Variants in JMY observed in about 807,000 individuals in gnomAD.
JMY encodes the protein junction mediating and regulatory protein, p53 cofactor, also known as junction-mediating and -regulatory protein.
In JMY, 46 loss-of-function variants were observed where a neutral mutation model predicts 103.3. The observed-to-expected ratio is 0.45, with a 90% confidence interval of 0.35 to 0.57. JMY has a LOEUF of 0.57. JMY is among the 20% of genes least tolerant of loss of function. The pLI is 0.00. For synonymous variants in JMY, 526 were observed against 489.3 expected (o/e 1.07, Z -0.99); for missense variants, 1,238 against 1,255.2 (o/e 0.99, Z 0.21).
At chr5:79,255,946 G>A (rs1410986917) in intron 1 of JMY, among the ~76,000 whole-genome samples, 3 of 152,204 alleles carry the variant, frequency 2.0e-5, no homozygotes, top group Non-Finnish European at 2.9e-5. Context: ...TACCGCCTAC[G>A]TTCATTCAAG....
intron 1 of JMY, among the ~76,000 whole-genome samples, chr5:79,238,289 C>G (rs1297123462): frequency 6.6e-6 from 1 of 151,854 alleles, no homozygotes; most frequent in Non-Finnish European, 1.5e-5. Flanking sequence ...ACAGATGGCT[C>G]AGGTTTCACT....
intron 2 of JMY, among the ~76,000 whole-genome samples, chr5:79,278,478 G>A (rs79601427): frequency 0.033 from 4,903 of 150,702 alleles, 265 homozygotes; most frequent in African/African-American, 0.11. Flanking sequence ...CAGGCTGAGC[G>A]TGGTGCCTCA....
intron 1 of JMY, among the ~76,000 whole-genome samples, chr5:79,260,233 G>A (rs902344708): frequency 6.6e-5 from 10 of 152,198 alleles, no homozygotes; most frequent in Admixed American, 2.0e-4. Flanking sequence ...AGGCTGTGGC[G>A]GAGACTCCAG....
rs1225203037 is a variant in JMY at position 79,300,716 on chromosome 5, C to T, written c.1734C>T (p.Ser578=). ...TGGTATACTATGACACTTACGAAAGCATGGAGGCCATGCTGGAGAAGGAAG... is the reference window on the plus strand; with the variant it reads ...TGGTATACTATGACACTTACGAAAGTATGGAGGCCATGCTGGAGAAGGAAG... ...DEVVYYDTYE[S]MEAMLEKEEM... The change falls in exon 6 of 11, where the codon AGC becomes AGT. Residue 578 remains serine, a synonymous_variant. Transcript: ENST00000396137. 2 of 1,609,838 alleles carry T rather than the reference C, an allele frequency of 1.2e-6. No homozygotes were observed. The highest frequency in any genetic ancestry group is 1.1e-5 in the South Asian group (1 of 90,038).
chr5:79,261,769 C>T (rs186071024), intron 1 of JMY, among the ~76,000 whole-genome samples: 1 of 152,120 alleles, frequency 6.6e-6, no homozygotes, highest in East Asian at 1.9e-4. Flanking sequence ...GGATTACAGG[C>T]GTGCACTACC....
intron 2 of JMY, among the ~76,000 whole-genome samples, chr5:79,283,783 CTT>C (rs1333106690): frequency 6.6e-6 from 1 of 152,196 alleles, no homozygotes; most frequent in Non-Finnish European, 1.5e-5. Flanking sequence ...ATGATACACA[CTT>C]AAGTTTGAGA....
chr5:79,299,357 C>T (rs965239284), intron 4 of JMY, among the ~76,000 whole-genome samples: 3 of 152,090 alleles, frequency 2.0e-5, no homozygotes, highest in East Asian at 3.8e-4. Flanking sequence ...TGCCTTTTTC[C>T]GTACAGCCAA....
At position 79,314,846 on chromosome 5, in the gene JMY, G is replaced by A; in HGVS notation, c.2654G>A (p.Arg885Lys). ...AAGACTGCTGAAGGTTTGCAGAGGA[G>A]GAGAGGTACGTCAACATATTTTCAT... ...LRKTAEGLQR[R>K]RVSSPMDEVL... Residue 885 changes from arginine (R) to lysine (K), a missense_variant, in exon 9 of 11, where the codon AGG becomes AAG. Arg to Lys is a conservative substitution (Grantham distance 26, BLOSUM62 2). Transcript: ENST00000396137. 2 of 1,558,272 alleles carry A rather than the reference G, an allele frequency of 1.3e-6. No individual in the cohort carries two copies. Among genetic ancestry groups the A allele is most frequent in the South Asian group, 2.5e-5 (2 of 81,126 alleles).
chr5:79,252,234 G>T (rs2112053954), intron 1 of JMY, among the ~76,000 whole-genome samples: 1 of 151,744 alleles, frequency 6.6e-6, no homozygotes, highest in Admixed American at 6.6e-5. Context: ...TCATTCAGGA[G>T]CATATTGTTT....
At chr5:79,261,231 T>G (rs1189434709) in intron 1 of JMY, among the ~76,000 whole-genome samples, 1 of 152,126 alleles carries the variant, frequency 6.6e-6, no homozygotes, top group African/African-American at 2.4e-5. Flanking sequence ...CCCTGAGGTT[T>G]TTCTGCTAAA....
Position 79,316,333 on chromosome 5 carries a change from G to A in JMY, c.*3+23G>A, listed in dbSNP as rs376386109. The A allele has an allele frequency of 6.9e-5, 106 of 1,526,178 alleles. 2 individuals carry two copies. Among genetic ancestry groups the A allele is most frequent in the East Asian group, 2.3e-4 (10 of 42,596 alleles). 94.5% of individuals were successfully genotyped at this position (1,526,178 alleles called of 1,614,324 possible). ...CAAGTAAACGGCCTTATTGTCTTTAGTAGCATTCAGTAATACAGGTTTTAT... is the reference window on the plus strand; with the variant it reads ...CAAGTAAACGGCCTTATTGTCTTTAATAGCATTCAGTAATACAGGTTTTAT... On this transcript the variant is annotated intron_variant, in intron 10 of 10. Coordinates refer to ENST00000396137, the MANE Select transcript of JMY (RefSeq NM_152405.5).
chr5:79,299,291 C>T (rs1209750246), intron 4 of JMY, among the ~76,000 whole-genome samples: 1 of 152,194 alleles, frequency 6.6e-6, no homozygotes, highest in Admixed American at 6.5e-5. Context: ...GAGAACTATG[C>T]TTGTCCTTCA....
chr5:79,288,591 C>T (rs61472747), intron 2 of JMY, among the ~76,000 whole-genome samples: 18 of 152,126 alleles, frequency 1.2e-4, no homozygotes, highest in African/African-American at 2.9e-4. Context: ...TATTCCCTTT[C>T]GAAAGTCTGC....
chr5:79,239,182 T>C (rs1156931838), intron 1 of JMY, among the ~76,000 whole-genome samples: 1 of 152,222 alleles, frequency 6.6e-6, no homozygotes, highest in Non-Finnish European at 1.5e-5. Context: ...AATCCAGATT[T>C]TCACTGCTTC....
At chr5:79,262,831 A>T (rs1448544280) in intron 1 of JMY, among the ~76,000 whole-genome samples, 2 of 152,242 alleles carry the variant, frequency 1.3e-5, no homozygotes, top group Non-Finnish European at 2.9e-5. Flanking sequence ...ATAGATAAAA[A>T]TGTTAATGTT....
intron 1 of JMY, among the ~76,000 whole-genome samples, chr5:79,240,476 A>G (rs1464256704): frequency 6.6e-6 from 1 of 151,742 alleles, no homozygotes; most frequent in Non-Finnish European, 1.5e-5. Flanking sequence ...TGCCTGGCTA[A>G]TTTTTGTATT....
chr5:79,314,245 C>G lies in JMY; in HGVS notation c.2065-12C>G, dbSNP rs1406294277. On this transcript the variant is annotated splice_polypyrimidine_tract_variant and intron_variant, in intron 8 of 10. Coordinates refer to ENST00000396137, the MANE Select transcript of JMY (RefSeq NM_152405.5). ...AACATTTAACCAGTTCCAATAACTTCTGGTATTTTAGAGGTATCCTGGGCA... is the reference window on the plus strand; with the variant it reads ...AACATTTAACCAGTTCCAATAACTTGTGGTATTTTAGAGGTATCCTGGGCA... 2.5e-6 allele frequency: 4 copies of G among 1,588,544 alleles called. No homozygotes were observed. Among genetic ancestry groups the G allele is most frequent in the Non-Finnish European group, 2.6e-6 (3 of 1,170,132 alleles).
chr5:79,259,071 G>A (rs1745340126), intron 1 of JMY, among the ~76,000 whole-genome samples: 2 of 152,114 alleles, frequency 1.3e-5, no homozygotes, highest in African/African-American at 2.4e-5. Context: ...ATGTCCCGAT[G>A]AGTGTTCAGC....
chr5:79,283,814 C>T lies in JMY; in HGVS notation c.1206+5731C>T, dbSNP rs536648616. Reference sequence around the variant, plus strand: ...TTTGAGAACCACTAGCCTAATAAAACAGGACTTGAAACAGCTTAGGGATTT... The same window carrying T: ...TTTGAGAACCACTAGCCTAATAAAATAGGACTTGAAACAGCTTAGGGATTT... On this transcript the variant is annotated intron_variant, in intron 2 of 10. Coordinates refer to ENST00000396137, the MANE Select transcript of JMY (RefSeq NM_152405.5). Among the ~76,000 whole-genome samples the T allele has an allele frequency of 6.6e-5, 10 of 152,296 alleles. 1 individual carries two copies. The highest frequency in any genetic ancestry group is 2.4e-4 in the African/African-American group (10 of 41,582).
Sources: allele counts gnomAD v4.1 joint callset (sites outside exome capture counted in the v4.1 genomes callset), GRCh38; gene constraint gnomAD v4.1.1; transcripts MANE v1.5; gene names NCBI Gene and HGNC (gene_info 2026-07-23, HGNC 2026-07-21).